PPP4R3B: variants seen among roughly 807,000 people sequenced by gnomAD.
PPP4R3B encodes the protein serine/threonine-protein phosphatase 4 regulatory subunit 3B.
In PPP4R3B, 52 loss-of-function variants were observed where a neutral mutation model predicts 95.4. The ratio of observed to expected loss-of-function variants is 0.54; its 90% CI spans 0.44 to 0.69. The LOEUF (loss-of-function observed/expected upper bound fraction) is 0.69, where lower values mean the gene tolerates loss of function less well. Among genes scored for constraint, PPP4R3B ranks in the 30% least tolerant of loss-of-function variants. The pLI is 0.00. For synonymous variants in PPP4R3B, 407 were observed against 343.9 expected (o/e 1.18, Z -2.03); for missense variants, 1,003 against 1,005.9 (o/e 1.00, Z 0.04).
At chr2:55,612,930 A>G (rs1694377169) in intron 2 of PPP4R3B, among the ~76,000 whole-genome samples, 1 of 150,770 alleles carries the variant, frequency 6.6e-6, no homozygotes, top group Admixed American at 6.6e-5. Context: ...TGGACGACAG[A>G]GCGAGACTCC....
chr2:55,548,435 C>T lies in PPP4R3B; in HGVS notation c.*1476G>A, dbSNP rs1684924521. Reference sequence around the variant, plus strand: ...TTTTACAGTTTAGCATTAATATCACCACATGTATACAAATGGTGTAAAACA... The same window carrying T: ...TTTTACAGTTTAGCATTAATATCACTACATGTATACAAATGGTGTAAAACA... On this transcript the variant is annotated 3_prime_UTR_variant, in exon 17 of 17. Transcript: ENST00000616407. 6.6e-6 allele frequency: 1 copy of T among 152,534 alleles called. No individual in the cohort carries two copies. Among genetic ancestry groups the T allele is most frequent in the Admixed American group, 6.6e-5 (1 of 15,264 alleles). 9.4% of individuals were successfully genotyped at this position (152,534 alleles called of 1,614,324 possible). A position where few individuals can be genotyped will look rare whatever the true frequency, so the allele number is the denominator to read the frequency against.
At chr2:55,579,641 A>G (rs201242563) in intron 9 of PPP4R3B, 38 bp downstream of exon 9, 278 of 1,387,016 alleles carry the variant, frequency 2.0e-4, no homozygotes, top group Admixed American at 4.9e-5. Flanking sequence ...TCCTTCTTTA[A>G]AAACAGAAAT....
intron 4 of PPP4R3B, among the ~76,000 whole-genome samples, chr2:55,593,488 C>T (rs964944669): frequency 6.6e-6 from 1 of 152,082 alleles, no homozygotes; most frequent in African/African-American, 2.4e-5. Flanking sequence ...CAAGTTAATG[C>T]GCATTTAAGA....
chr2:55,562,232 G>T (rs1686724481), intron 15 of PPP4R3B, among the ~76,000 whole-genome samples: 1 of 152,088 alleles, frequency 6.6e-6, no homozygotes, highest in Non-Finnish European at 1.5e-5. Context: ...GACCAGCCTG[G>T]CCAACATGGT....
chr2:55,586,610 A>G lies in PPP4R3B; in HGVS notation c.1116+8T>C, dbSNP rs374504410. The G allele has an allele frequency of 1.1e-5, 16 of 1,522,610 alleles. No individual in the cohort carries two copies. The African/African-American group carries it at 1.7e-4, about 16-fold the overall frequency. The allele number at this position is 1,522,610 out of a possible 1,614,324, so 94.3% of individuals were successfully genotyped here. ...TTTCAAAAACATGAAAAGAAACGGC[A>G]TAATTACCATTACAATTTCAAGAGC... On this transcript the variant is annotated splice_region_variant and intron_variant, in intron 6 of 16. Coordinates refer to ENST00000616407, the MANE Select transcript of PPP4R3B (RefSeq NM_001122964.3).
intron 1 of PPP4R3B, among the ~76,000 whole-genome samples, chr2:55,615,781 G>C (rs1173231082): frequency 6.8e-6 from 1 of 147,830 alleles, no homozygotes; most frequent in East Asian, 2.0e-4. Flanking sequence ...GAGAGAGAGG[G>C]AGAGGAGGCA....
chr2:55,578,184 C>T (rs766118961), intron 10 of PPP4R3B, 63 bp downstream of exon 10: 23 of 1,263,238 alleles, frequency 1.8e-5, no homozygotes, highest in Middle Eastern at 2.0e-4. Flanking sequence ...AAAATAATAC[C>T]GTATATACAC....
intron 15 of PPP4R3B, among the ~76,000 whole-genome samples, chr2:55,559,635 C>T (rs537609330): frequency 6.6e-5 from 10 of 152,288 alleles, no homozygotes; most frequent in Admixed American, 6.5e-4. Context: ...CTCTCTCCTG[C>T]TGCCATGTAA....
At position 55,598,539 on chromosome 2, in the gene PPP4R3B, A is replaced by C. The variant is rs187956502; in HGVS notation, c.798T>G (p.Thr266=). 1,003 of 1,614,156 alleles carry C rather than the reference A, an allele frequency of 6.2e-4. 8 individuals carry two copies. The highest frequency in any genetic ancestry group is 1.4e-4 in the Non-Finnish European group (170 of 1,180,036). ...TGTCCTGAATGTACTGTACCCTGTA[A>C]GTCTGATGTATTTTTTGCCTTAGTT... ...DSELRQKIHQ[T]YRVQYIQDII... is the part of the protein sequence containing the mutation. The change falls in exon 4 of 17, where the codon ACT becomes ACG. Residue 266 remains threonine, a synonymous_variant. Transcript: ENST00000616407.
chr2:55,568,755 C>T (rs921030641), intron 12 of PPP4R3B, among the ~76,000 whole-genome samples: 6 of 152,180 alleles, frequency 3.9e-5, no homozygotes, highest in African/African-American at 9.6e-5. Flanking sequence ...GCTGAGACAA[C>T]GCAGTGAAGG....
intron 4 of PPP4R3B, among the ~76,000 whole-genome samples, chr2:55,592,478 A>G (rs6709003): frequency 2.4e-4 from 36 of 152,312 alleles, no homozygotes; most frequent in African/African-American, 8.2e-4. Flanking sequence ...CTTGAATCCA[A>G]AGAAAAATCC....
intron 7 of PPP4R3B, among the ~76,000 whole-genome samples, chr2:55,582,502 T>A (rs1236488289): frequency 6.6e-6 from 1 of 152,220 alleles, no homozygotes; most frequent in Non-Finnish European, 1.5e-5. Flanking sequence ...GAAAATCAGA[T>A]GTTCAAATTT....
intron 15 of PPP4R3B, among the ~76,000 whole-genome samples, chr2:55,563,158 G>A (rs72803541): frequency 8.5e-5 from 13 of 152,296 alleles, no homozygotes; most frequent in Non-Finnish European, 1.5e-4. Flanking sequence ...CAAAGGTACC[G>A]ATTTCTTAGG....
chr2:55,555,727 C>T (rs887305840), intron 16 of PPP4R3B, among the ~76,000 whole-genome samples: 4 of 152,166 alleles, frequency 2.6e-5, no homozygotes, highest in African/African-American at 7.2e-5. Flanking sequence ...ATGCCCATCA[C>T]ATTGATAGGG....
rs1410098514 is a variant in PPP4R3B at position 55,579,792 on chromosome 2, G to A, written c.1366-11C>T. The A allele has an allele frequency of 1.4e-6, 2 of 1,476,450 alleles. No homozygotes were observed. Among genetic ancestry groups the A allele is most frequent in the African/African-American group, 2.8e-5 (2 of 70,870 alleles). The allele number at this position is 1,476,450 out of a possible 1,614,324, so 91.5% of individuals were successfully genotyped here. A position where few individuals can be genotyped will look rare whatever the true frequency, so the allele number is the denominator to read the frequency against. The stretch of plus-strand genomic sequence containing the variant: ...ACTTTTTTCGGTTTTCTGAAACATA[G>A]AATTTTTTAAACAATACTGTTACTT... On this transcript the variant is annotated splice_polypyrimidine_tract_variant and intron_variant, in intron 8 of 16. Coordinates refer to ENST00000616407, the MANE Select transcript of PPP4R3B (RefSeq NM_001122964.3).
chr2:55,560,828 T>C (rs1204954318), intron 15 of PPP4R3B, among the ~76,000 whole-genome samples: 3 of 146,404 alleles, frequency 2.0e-5, no homozygotes, highest in Non-Finnish European at 4.5e-5. Flanking sequence ...TTCTGGCGGT[T>C]TCTAAAAGCG....
At chr2:55,613,427 A>C (rs1450437423) in intron 2 of PPP4R3B, among the ~76,000 whole-genome samples, 2 of 152,010 alleles carry the variant, frequency 1.3e-5, no homozygotes, top group African/African-American at 4.8e-5. Flanking sequence ...ATGTGATTAC[A>C]GAAAACATTT....
Position 55,581,567 on chromosome 2 carries a change from A to G in PPP4R3B, c.1365T>C (p.Asn455=). The stretch of plus-strand genomic sequence containing the variant: ...TTTTTATCTCAGAGTAATTTCTTAC[A>G]TTAGTTGTAGCCAGCATGTTCTCTG... ...IDPENMLATT[N]KTEKSEFLNF... is the part of the protein sequence containing the mutation. The change falls in exon 8 of 17, where the codon AAT becomes AAC. Residue 455 remains asparagine, a splice_region_variant and synonymous_variant. Coordinates refer to ENST00000616407, the MANE Select transcript of PPP4R3B (RefSeq NM_001122964.3). 1 of 1,609,258 alleles carries G rather than the reference A, an allele frequency of 6.2e-7. No individual in the cohort carries two copies. The highest frequency in any genetic ancestry group is 8.5e-7 in the Non-Finnish European group (1 of 1,178,218).
chr2:55,558,700 A>G, intron 16 of PPP4R3B, 75 bp downstream of exon 16: 1 of 1,199,948 alleles, frequency 8.3e-7, no homozygotes, highest in Admixed American at 2.5e-5. Context: ...TGATTATCCA[A>G]ATTTTTTTCA....
Sources: gnomAD v4.1 joint callset for allele counts (sites outside exome capture counted in the v4.1 genomes callset) on GRCh38, gnomAD v4.1.1 for gene constraint, MANE v1.5 for transcripts, NCBI Gene and HGNC (gene_info 2026-07-23, HGNC 2026-07-21) for gene names.